GNAI1: variants seen among roughly 807,000 people sequenced by gnomAD.
The protein encoded by GNAI1 is G protein subunit alpha i1, also known as guanine nucleotide-binding protein G(i) subunit alpha-1.
Under a neutral mutation model 38.9 loss-of-function variants are expected in GNAI1, and 11 were observed. That is an observed-to-expected ratio of 0.28 (90% CI 0.18 to 0.47). The LOEUF (loss-of-function observed/expected upper bound fraction) is 0.47, where lower values mean the gene tolerates loss of function less well. Among genes scored for constraint, GNAI1 ranks in the 20% least tolerant of loss-of-function variants. GNAI1 has a pLI of 0.99. For synonymous variants in GNAI1, 166 were observed against 145.1 expected, an observed-to-expected ratio of 1.14 and a Z score of -1.04; for missense variants, 317 against 436.9, an observed-to-expected ratio of 0.73 and a Z score of 2.45.
At chr7:80,182,125 A>G (rs1379382098) in intron 1 of GNAI1, among the ~76,000 whole-genome samples, 8 of 152,240 alleles carry the variant, frequency 5.3e-5, no homozygotes, top group South Asian at 2.1e-4. Flanking sequence ...TGTACTATAC[A>G]AGTTAGATTA....
chr7:80,201,285 G>A (rs1788682259), intron 4 of GNAI1, among the ~76,000 whole-genome samples: 1 of 152,160 alleles, frequency 6.6e-6, no homozygotes. Context: ...AGCAAAAGGA[G>A]CTACTTCAAT....
chr7:80,200,682 G>T (rs540679803), intron 4 of GNAI1, among the ~76,000 whole-genome samples: 3 of 152,134 alleles, frequency 2.0e-5, no homozygotes, highest in Non-Finnish European at 4.4e-5. Flanking sequence ...GTGTGATTTA[G>T]TGTGTTTAAG....
chr7:80,157,819 G>A (rs1787845697), intron 1 of GNAI1, among the ~76,000 whole-genome samples: 1 of 152,018 alleles, frequency 6.6e-6, no homozygotes, highest in South Asian at 2.1e-4. Context: ...CAATTCTCCT[G>A]CCTCAGGCTC....
At chr7:80,174,552 C>T (rs919770835) in intron 1 of GNAI1, among the ~76,000 whole-genome samples, 1 of 149,670 alleles carries the variant, frequency 6.7e-6, no homozygotes, top group South Asian at 2.1e-4. Context: ...ATATTTTTTC[C>T]TATTCTGTAG....
At chr7:80,149,132 A>T (rs1289966646) in intron 1 of GNAI1, among the ~76,000 whole-genome samples, 1 of 152,086 alleles carries the variant, frequency 6.6e-6, no homozygotes, top group Non-Finnish European at 1.5e-5. Flanking sequence ...TGAGTGGTTG[A>T]TGTTGTATTG....
At chr7:80,180,880 T>C (rs936917313) in intron 1 of GNAI1, among the ~76,000 whole-genome samples, 5 of 152,160 alleles carry the variant, frequency 3.3e-5, no homozygotes, top group Admixed American at 1.3e-4. Context: ...TCTCATGTCC[T>C]GGTCTTCATT....
chr7:80,182,775 T>C (rs910386256), intron 1 of GNAI1, among the ~76,000 whole-genome samples: 2 of 152,226 alleles, frequency 1.3e-5, no homozygotes, highest in Non-Finnish European at 2.9e-5. Flanking sequence ...CATTACAGCC[T>C]ATTCAACCCA....
At chr7:80,197,309 A>G (rs1788595738) in intron 3 of GNAI1, among the ~76,000 whole-genome samples, 1 of 151,930 alleles carries the variant, frequency 6.6e-6, no homozygotes, top group Non-Finnish European at 1.5e-5. Context: ...TTAATGCCAC[A>G]GAGAGAATGT....
At chr7:80,170,425 C>T (rs544335330) in intron 1 of GNAI1, among the ~76,000 whole-genome samples, 1 of 152,254 alleles carries the variant, frequency 6.6e-6, no homozygotes, top group African/African-American at 2.4e-5. Flanking sequence ...TTATTAACCT[C>T]TCTGAAAACT....
intron 5 of GNAI1, among the ~76,000 whole-genome samples, chr7:80,207,465 G>A (rs1474129235): frequency 6.6e-6 from 1 of 152,010 alleles, no homozygotes; most frequent in Non-Finnish European, 1.5e-5. Flanking sequence ...CTTGGTTGAG[G>A]TTGATGTATT....
intron 1 of GNAI1, among the ~76,000 whole-genome samples, chr7:80,153,436 A>G (rs943786593): frequency 6.6e-6 from 1 of 152,234 alleles, no homozygotes; most frequent in Non-Finnish European, 1.5e-5. Context: ...AAATAAAACT[A>G]TTTCCAATTC....
At chr7:80,150,522 A>G (rs1314221966) in intron 1 of GNAI1, among the ~76,000 whole-genome samples, 1 of 152,206 alleles carries the variant, frequency 6.6e-6, no homozygotes, top group Non-Finnish European at 1.5e-5. Flanking sequence ...ACAAACACAT[A>G]AAGGAAAACT....
chr7:80,159,795 C>T (rs567507278), intron 1 of GNAI1, among the ~76,000 whole-genome samples: 4 of 152,210 alleles, frequency 2.6e-5, no homozygotes, highest in Non-Finnish European at 4.4e-5. Context: ...TCAGCTTCCT[C>T]GCTGGTAGTG....
At chr7:80,205,772 A>G (rs962813819) in intron 5 of GNAI1, among the ~76,000 whole-genome samples, 7 of 152,150 alleles carry the variant, frequency 4.6e-5, no homozygotes, top group Non-Finnish European at 7.4e-5. Flanking sequence ...GTTTGCAAAA[A>G]AGTAATTTAT....
chr7:80,141,751 A>G (rs958999557), intron 1 of GNAI1, among the ~76,000 whole-genome samples: 2 of 152,216 alleles, frequency 1.3e-5, no homozygotes, highest in African/African-American at 4.8e-5. Flanking sequence ...ACCAGCAAGA[A>G]AAAACAAAAA....
intron 1 of GNAI1, among the ~76,000 whole-genome samples, chr7:80,186,023 C>CTTTTT (rs533371119): frequency 2.8e-4 from 29 of 103,492 alleles, no homozygotes; most frequent in Non-Finnish European, 4.7e-4. Context: ...CATCCGCACT[C>CTTTTT]TTTTTTTTTT....
intron 1 of GNAI1, among the ~76,000 whole-genome samples, chr7:80,181,538 T>C (rs2115603316): frequency 6.6e-6 from 1 of 152,284 alleles, no homozygotes; most frequent in South Asian, 2.1e-4. Context: ...TAGATTCAAA[T>C]TTTAGAAACA....
chr7:80,207,709 TC>T (rs961669896), intron 5 of GNAI1, among the ~76,000 whole-genome samples: 91 of 151,466 alleles, frequency 6.0e-4, no homozygotes, highest in African/African-American at 1.7e-3. Flanking sequence ...GTGGTTTTTT[TC>T]GTGCTCTTCA....
chr7:80,200,445 T>A (rs1788665574), intron 4 of GNAI1, among the ~76,000 whole-genome samples: 1 of 151,572 alleles, frequency 6.6e-6, no homozygotes, highest in Non-Finnish European at 1.5e-5. Context: ...ATGTCCTATA[T>A]GATATGTATT....
Sources: gnomAD v4.1 joint callset for allele counts (sites outside exome capture counted in the v4.1 genomes callset) on GRCh38, gnomAD v4.1.1 for gene constraint, MANE v1.5 for transcripts, NCBI Gene and HGNC (gene_info 2026-07-23, HGNC 2026-07-21) for gene names.